The following LRRC7 variants were observed in gnomAD, a reference collection of about 807,000 sequenced individuals.
LRRC7 encodes the protein leucine-rich repeat-containing protein 7.
In LRRC7, 23 loss-of-function variants were observed where a neutral mutation model predicts 175.7. The observed-to-expected ratio is 0.13, with a 90% CI of 0.09 to 0.19. The LOEUF is 0.19. Among genes scored for constraint, LRRC7 ranks in the 10% least tolerant of loss-of-function variants. The pLI, the probability that LRRC7 is intolerant of heterozygous loss-of-function variation, is 1.00. For synonymous variants in LRRC7, 685 were observed against 680.9 expected (o/e 1.01, Z -0.09); for missense variants, 1,354 against 1,904.7 (o/e 0.71, Z 5.38).
chr1:70,041,868 A>G (rs1275280650), intron 21 of LRRC7, among the ~76,000 whole-genome samples: 4 of 152,204 alleles, frequency 2.6e-5, no homozygotes, highest in Non-Finnish European at 5.9e-5. Flanking sequence ...AAGCAGGAAT[A>G]TAGGGTTAGG....
At chr1:69,817,975 T>C (rs1457864418) in intron 4 of LRRC7, among the ~76,000 whole-genome samples, 3 of 152,126 alleles carry the variant, frequency 2.0e-5, no homozygotes, top group South Asian at 2.1e-4. Flanking sequence ...TTGTAACTTG[T>C]GCTCTACTAA....
intron 1 of LRRC7, among the ~76,000 whole-genome samples, chr1:69,654,270 A>T (rs1656289089): frequency 6.6e-6 from 1 of 152,066 alleles, no homozygotes; most frequent in Non-Finnish European, 1.5e-5. Context: ...GGAAACTTAA[A>T]ACCTATGTCA....
intron 1 of LRRC7, among the ~76,000 whole-genome samples, chr1:69,609,151 G>C (rs1379937954): frequency 2.0e-5 from 3 of 151,556 alleles, no homozygotes; most frequent in Non-Finnish European, 4.4e-5. Context: ...AACAGAGGGA[G>C]ACTATGGACT....
intron 2 of LRRC7, among the ~76,000 whole-genome samples, chr1:69,723,586 T>C (rs1240990747): frequency 6.6e-6 from 1 of 152,202 alleles, no homozygotes; most frequent in Admixed American, 6.5e-5. Context: ...TCATTTCATA[T>C]GATATTAGAG....
At chr1:69,690,550 G>C (rs939682684) in intron 2 of LRRC7, among the ~76,000 whole-genome samples, 1 of 152,078 alleles carries the variant, frequency 6.6e-6, no homozygotes, top group Non-Finnish European at 1.5e-5. Context: ...CCTTCCTTTC[G>C]TATTAGCAGT....
At chr1:69,989,127 C>T (rs1018060242) in intron 10 of LRRC7, among the ~76,000 whole-genome samples, 1 of 151,964 alleles carries the variant, frequency 6.6e-6, no homozygotes. Context: ...AATGCTGAAA[C>T]ACAAATAATA....
chr1:70,094,210 G>A (rs969915300), intron 25 of LRRC7, among the ~76,000 whole-genome samples: 1 of 152,110 alleles, frequency 6.6e-6, no homozygotes, highest in African/African-American at 2.4e-5. Flanking sequence ...CCTGACAGCA[G>A]CAAATATACA....
Position 70,129,590 on chromosome 1 carries a change from A to G in LRRC7, c.*7703A>G, listed in dbSNP as rs74085954. ...TCAGCGGCCCCAAAAAGTCCCTCCT[A>G]TGACCACTGTCAGGGAGCGTGGGAA... On this transcript the variant is annotated 3_prime_UTR_variant, in exon 27 of 27. Coordinates refer to ENST00000651989, the MANE Select transcript of LRRC7 (RefSeq NM_001370785.2). 3.1e-3 allele frequency among the ~76,000 whole-genome samples: 470 copies of G among 152,306 alleles called. No homozygotes were observed. The highest frequency in any genetic ancestry group is 0.011 in the African/African-American group (454 of 41,558).
At chr1:69,784,740 C>T (rs958519437) in intron 3 of LRRC7, among the ~76,000 whole-genome samples, 5 of 152,128 alleles carry the variant, frequency 3.3e-5, no homozygotes, top group Admixed American at 6.6e-5. Flanking sequence ...CTGGCTATAT[C>T]GTGGCATTTC....
At chr1:69,871,124 A>G (rs1484306477) in intron 7 of LRRC7, among the ~76,000 whole-genome samples, 2 of 152,108 alleles carry the variant, frequency 1.3e-5, no homozygotes, top group Non-Finnish European at 2.9e-5. Context: ...TTTTAAGAAT[A>G]AAATGTTGCT....
chr1:69,870,686 A>T (rs1384834444), intron 7 of LRRC7, among the ~76,000 whole-genome samples: 1 of 152,140 alleles, frequency 6.6e-6, no homozygotes, highest in Non-Finnish European at 1.5e-5. Flanking sequence ...TTATGGAGAA[A>T]TAAAGACCCA....
chr1:69,800,967 C>T (rs1425313782), intron 4 of LRRC7, among the ~76,000 whole-genome samples: 1 of 151,644 alleles, frequency 6.6e-6, no homozygotes, highest in Non-Finnish European at 1.5e-5. Context: ...TTGTCAAATG[C>T]TTTTTCTCTA....
chr1:69,740,690 T>C (rs1355296582), intron 2 of LRRC7, among the ~76,000 whole-genome samples: 1 of 152,052 alleles, frequency 6.6e-6, no homozygotes, highest in Non-Finnish European at 1.5e-5. Flanking sequence ...TGGCCAAAAC[T>C]CAGCGATTGG....
At chr1:70,007,294 A>G (rs1557980872) in intron 11 of LRRC7, among the ~76,000 whole-genome samples, 1 of 152,184 alleles carries the variant, frequency 6.6e-6, no homozygotes, top group Non-Finnish European at 1.5e-5. Context: ...TGTGCCAAGA[A>G]CTGGATGAAG....
chr1:69,846,936 G>A (rs901817269), intron 7 of LRRC7, among the ~76,000 whole-genome samples: 6 of 151,942 alleles, frequency 3.9e-5, no homozygotes, highest in Non-Finnish European at 8.8e-5. Context: ...TAAAAATAAT[G>A]TGTGATGCTA....
chr1:69,717,958 AGAAAAAG>A (rs1557642328), intron 2 of LRRC7, among the ~76,000 whole-genome samples: 2,034 of 58,638 alleles, frequency 0.035, 401 homozygotes, highest in African/African-American at 0.19. Context: ...GAAAGAAAGA[AGAAAAAG>A]AAAGAAAGAG....
chr1:70,091,602 T>G (rs1371961301), intron 25 of LRRC7, among the ~76,000 whole-genome samples: 1 of 152,174 alleles, frequency 6.6e-6, no homozygotes, highest in Non-Finnish European at 1.5e-5. Context: ...TCTGCTCTTT[T>G]CAACTGAAAG....
intron 9 of LRRC7, among the ~76,000 whole-genome samples, chr1:69,983,663 C>A (rs186274697): frequency 1.5e-4 from 23 of 152,328 alleles, no homozygotes; most frequent in Admixed American, 4.6e-4. Context: ...AACTTCAGGG[C>A]AATCCCAACT....
intron 7 of LRRC7, among the ~76,000 whole-genome samples, chr1:69,877,070 G>T (rs1478657498): frequency 6.6e-6 from 1 of 152,110 alleles, no homozygotes; most frequent in Non-Finnish European, 1.5e-5. Flanking sequence ...TGTTACAAGG[G>T]GTTGATATGT....
Sources: gnomAD v4.1 joint callset for allele counts (sites outside exome capture counted in the v4.1 genomes callset) on GRCh38, gnomAD v4.1.1 for gene constraint, MANE v1.5 for transcripts, NCBI Gene and HGNC (gene_info 2026-07-23, HGNC 2026-07-21) for gene names.